Variants in AGBL4 observed in about 807,000 individuals in gnomAD.
AGBL4 encodes the protein cytosolic carboxypeptidase 6.
In AGBL4, 58 loss-of-function variants were observed where a neutral mutation model predicts 66.4. The observed-to-expected ratio is 0.87, with a 90% confidence interval of 0.71 to 1.09. AGBL4 has a LOEUF of 1.09. Among genes scored for constraint, AGBL4 ranks in the 50% least tolerant of loss-of-function variants. The probability of loss-of-function intolerance (pLI) is 0.00; values close to 1 mark genes in which losing one functional copy is unlikely to be tolerated. For missense variants in AGBL4, 579 were observed against 631.0 expected (o/e 0.92, Z 0.88); for synonymous variants, 234 against 222.9 (o/e 1.05, Z -0.44).
At chr1:48,865,176 G>A (rs181342088) in intron 6 of AGBL4, among the ~76,000 whole-genome samples, 77 of 152,200 alleles carry the variant, frequency 5.1e-4, no homozygotes, top group Non-Finnish European at 3.7e-4. Context: ...GCAGCTCCTG[G>A]TGAGATGTAG....
At chr1:48,552,107 A>T (rs1644257304) in intron 11 of AGBL4, among the ~76,000 whole-genome samples, 1 of 152,200 alleles carries the variant, frequency 6.6e-6, no homozygotes, top group African/African-American at 2.4e-5. Context: ...TCTGTCGCTC[A>T]GGCTGGAGTG....
In AGBL4 at chr1:49,427,752, C is replaced by T. The variant is rs530906972; in HGVS notation, c.283-181888G>A. ...GAACAAAAGAAGAAAGTTTCCACGG[C>T]GCAGAATGGGACCTGAGCAGGTTGC... On this transcript the variant is annotated intron_variant, in intron 3 of 13. Coordinates refer to ENST00000371839, the MANE Select transcript of AGBL4 (RefSeq NM_032785.4). Among the ~76,000 whole-genome samples, 143 of 152,308 alleles carry T rather than the reference C, an allele frequency of 9.4e-4. 1 individual carries two copies. The highest frequency in any genetic ancestry group is 3.0e-3 in the African/African-American group (124 of 41,558).
chr1:49,007,429 T>C (rs1476521718), intron 5 of AGBL4, among the ~76,000 whole-genome samples: 7 of 149,992 alleles, frequency 4.7e-5, no homozygotes, highest in African/African-American at 1.7e-4. Context: ...ACGGGGAGAA[T>C]GGAACCAAGT....
chr1:49,032,994 C>T (rs758296172), intron 5 of AGBL4, among the ~76,000 whole-genome samples: 1 of 152,040 alleles, frequency 6.6e-6, no homozygotes, highest in Non-Finnish European at 1.5e-5. Context: ...CTTTATCTAG[C>T]AGAGGGAGGA....
chr1:49,545,231 G>A (rs1447591134), intron 3 of AGBL4, among the ~76,000 whole-genome samples: 1 of 152,142 alleles, frequency 6.6e-6, no homozygotes, highest in East Asian at 1.9e-4. Flanking sequence ...TTCATGTTAT[G>A]ATGAAGAAAG....
At chr1:48,849,349 A>G (rs1352049168) in intron 6 of AGBL4, among the ~76,000 whole-genome samples, 1 of 152,260 alleles carries the variant, frequency 6.6e-6, no homozygotes, top group Non-Finnish European at 1.5e-5. Context: ...ATGTTTCAAC[A>G]GTGCCTCTCT....
chr1:49,143,590 T>C (rs1312079369), intron 4 of AGBL4, among the ~76,000 whole-genome samples: 1 of 152,150 alleles, frequency 6.6e-6, no homozygotes, highest in Non-Finnish European at 1.5e-5. Context: ...GGGTCTGGCA[T>C]GGAACAGGTG....
At chr1:49,247,242 T>G (rs1651716942) in intron 3 of AGBL4, among the ~76,000 whole-genome samples, 1 of 152,118 alleles carries the variant, frequency 6.6e-6, no homozygotes, top group Admixed American at 6.6e-5. Context: ...TAAAATTTTG[T>G]TTTGTTAAAA....
intron 4 of AGBL4, among the ~76,000 whole-genome samples, chr1:49,082,231 T>C (rs1035843592): frequency 2.0e-5 from 3 of 152,140 alleles, no homozygotes; most frequent in African/African-American, 7.2e-5. Flanking sequence ...ACAACAAATT[T>C]TTACTAATTG....
intron 5 of AGBL4, among the ~76,000 whole-genome samples, chr1:48,972,683 T>C (rs984554258): frequency 1.3e-5 from 2 of 152,198 alleles, no homozygotes; most frequent in African/African-American, 2.4e-5. Context: ...GGGCTCAGCC[T>C]GAAGCCAAGT....
intron 4 of AGBL4, among the ~76,000 whole-genome samples, chr1:49,070,452 A>C (rs537976541): frequency 6.6e-6 from 1 of 151,994 alleles, no homozygotes; most frequent in East Asian, 1.9e-4. Context: ...GGGCTGTTGA[A>C]TTTTGTTGAA....
chr1:49,630,674 T>A (rs1645553211), intron 3 of AGBL4, among the ~76,000 whole-genome samples: 1 of 152,200 alleles, frequency 6.6e-6, no homozygotes, highest in Non-Finnish European at 1.5e-5. Flanking sequence ...GCAGATAGGC[T>A]AATTAATTGT....
chr1:49,844,825 G>A, intron 2 of AGBL4: 1 of 1,532,480 alleles, frequency 6.5e-7, no homozygotes, highest in Non-Finnish European at 9.0e-7. Flanking sequence ...AGACACTGTG[G>A]GCCACTGGGA....
intron 3 of AGBL4, among the ~76,000 whole-genome samples, chr1:49,262,633 G>A (rs938408480): frequency 1.1e-4 from 15 of 132,366 alleles, no homozygotes; most frequent in Non-Finnish European, 1.5e-4. Flanking sequence ...TTAGAATGGC[G>A]ATCATTAAAA....
chr1:48,802,506 G>C (rs1306695574), intron 6 of AGBL4, among the ~76,000 whole-genome samples: 1 of 152,050 alleles, frequency 6.6e-6, no homozygotes, highest in East Asian at 1.9e-4. Flanking sequence ...CATAGGACCT[G>C]GTACATTGGA....
chr1:49,940,865 A>G (rs957974310), intron 1 of AGBL4, among the ~76,000 whole-genome samples: 27 of 152,140 alleles, frequency 1.8e-4, no homozygotes, highest in African/African-American at 5.8e-4. Context: ...AATAAAAAAA[A>G]TAGAAAAGAT....
chr1:49,904,642 T>C (rs1650085515), intron 1 of AGBL4, among the ~76,000 whole-genome samples: 1 of 152,306 alleles, frequency 6.6e-6, no homozygotes, highest in East Asian at 1.9e-4. Context: ...GTCACATCCA[T>C]GTATAGCATA....
At chr1:49,634,779 T>A (rs1206724961) in intron 3 of AGBL4, among the ~76,000 whole-genome samples, 1 of 152,196 alleles carries the variant, frequency 6.6e-6, no homozygotes, top group African/African-American at 2.4e-5. Context: ...GATGGCAAAT[T>A]TCTATCTCCA....
At chr1:49,303,853 T>G (rs1186486163) in intron 3 of AGBL4, among the ~76,000 whole-genome samples, 2 of 152,170 alleles carry the variant, frequency 1.3e-5, no homozygotes, top group African/African-American at 4.8e-5. Context: ...CTCGTAAATT[T>G]AAGTTCCTTC....
Sources: allele counts gnomAD v4.1 joint callset (sites outside exome capture counted in the v4.1 genomes callset), GRCh38; gene constraint gnomAD v4.1.1; transcripts MANE v1.5; gene names NCBI Gene and HGNC (gene_info 2026-07-23, HGNC 2026-07-21).